CTNNA2: variants seen among roughly 807,000 people sequenced by gnomAD.
CTNNA2 encodes the protein catenin alpha-2.
CTNNA2 carries 42 observed loss-of-function variants against 101.0 expected under a neutral mutation model. That is an observed-to-expected ratio of 0.42 (90% CI 0.32 to 0.54). The LOEUF is 0.54. Among genes scored for constraint, CTNNA2 ranks in the 20% least tolerant of loss-of-function variants. The probability of loss-of-function intolerance (pLI) is 0.14; values close to 1 mark genes in which losing one functional copy is unlikely to be tolerated. For missense variants in CTNNA2, 871 were observed against 1,223.1 expected, an observed-to-expected ratio of 0.71 and a Z score of 4.29; for synonymous variants, 450 against 456.4, an observed-to-expected ratio of 0.99 and a Z score of 0.18.
Position 80,085,425 on chromosome 2 carries a change from G to A in CTNNA2, c.1056+175628G>A, listed in dbSNP as rs564468426. 3.3e-5 allele frequency among the ~76,000 whole-genome samples: 5 copies of A among 152,122 alleles called. No individual in the cohort carries two copies. In the South Asian group the frequency reaches 1.0e-3, roughly 32 times the overall value. On this transcript the variant is annotated intron_variant, in intron 7 of 18. Coordinates refer to ENST00000402739, the MANE Select transcript of CTNNA2 (RefSeq NM_001282597.3). ...ACAAGGACATCAAATCTTAACCATG[G>A]TGCAAAAAGAGAACACAAACATTTC...
chr2:79,847,741 G>A (rs1035104058), intron 3 of CTNNA2, among the ~76,000 whole-genome samples: 25 of 151,970 alleles, frequency 1.6e-4, no homozygotes, highest in Non-Finnish European at 1.5e-5. Context: ...GCATTTCCTT[G>A]TACAGTATCT....
At position 80,572,779 on chromosome 2, in the gene CTNNA2, A is replaced by G. The variant is rs187537757; in HGVS notation, c.1742-1384A>G. 93 of 152,354 alleles carry G rather than the reference A, an allele frequency of 6.1e-4. 1 individual carries two copies. Among genetic ancestry groups the G allele is most frequent in the Admixed American group, 1.8e-3 (28 of 15,304 alleles). The allele number at this position is 152,354 out of a possible 1,614,324, so 9.4% of individuals were successfully genotyped here. A position where few individuals can be genotyped will look rare whatever the true frequency, so the allele number is the denominator to read the frequency against. On this transcript the variant is annotated intron_variant, in intron 12 of 18. Coordinates refer to ENST00000402739, the MANE Select transcript of CTNNA2 (RefSeq NM_001282597.3). ...TTATCTAAATATAGCTTAAAAGCCCAAATGAAAAATTCAAGTAATATAGAG... is the reference window on the plus strand; with the variant it reads ...TTATCTAAATATAGCTTAAAAGCCCGAATGAAAAATTCAAGTAATATAGAG...
At chr2:80,054,209 C>T (rs1195309030) in intron 7 of CTNNA2, among the ~76,000 whole-genome samples, 2 of 152,032 alleles carry the variant, frequency 1.3e-5, no homozygotes, top group African/African-American at 2.4e-5. Context: ...AGTGGTTGGG[C>T]GTTAAGCTTT....
intron 2 of CTNNA2, among the ~76,000 whole-genome samples, chr2:79,710,081 C>T (rs1014902196): frequency 2.0e-5 from 3 of 151,964 alleles, no homozygotes; most frequent in Non-Finnish European, 2.9e-5. Context: ...TTCTGAAACC[C>T]GAAATGATGT....
intron 9 of CTNNA2, among the ~76,000 whole-genome samples, chr2:80,447,905 G>A (rs1311002163): frequency 6.6e-6 from 1 of 152,172 alleles, no homozygotes; most frequent in East Asian, 1.9e-4. Context: ...CCAAGGAGAG[G>A]GCCAGGGTGA....
At chr2:79,597,811 C>T (rs1677299874) in intron 1 of CTNNA2, among the ~76,000 whole-genome samples, 1 of 152,166 alleles carries the variant, frequency 6.6e-6, no homozygotes, top group African/African-American at 2.4e-5. Flanking sequence ...ACATAGTTTA[C>T]ATTAGGGTTC....
chr2:79,411,793 G>T (rs1323986995), intron 4 of CTNNA2, among the ~76,000 whole-genome samples: 1 of 152,086 alleles, frequency 6.6e-6, no homozygotes, highest in Non-Finnish European at 1.5e-5. Flanking sequence ...GCAAAATCAT[G>T]CCAAAATGTA....
At chr2:80,524,951 A>G (rs1241678543) in intron 9 of CTNNA2, among the ~76,000 whole-genome samples, 1 of 152,062 alleles carries the variant, frequency 6.6e-6, no homozygotes, top group Non-Finnish European at 1.5e-5. Context: ...GTTTTTATTT[A>G]CATAGGTTTT....
intron 2 of CTNNA2, among the ~76,000 whole-genome samples, chr2:79,286,425 A>G (rs1573031731): frequency 6.6e-6 from 1 of 151,942 alleles, no homozygotes; most frequent in Non-Finnish European, 1.5e-5. Flanking sequence ...TGCTTCCTTC[A>G]GGAGCTCTTT....
In CTNNA2 at chr2:80,589,371, A is replaced by G; in HGVS notation, c.2075A>G (p.Gln692Arg). 1 of 1,614,138 alleles carries G rather than the reference A, an allele frequency of 6.2e-7. No homozygotes were observed. Among genetic ancestry groups the G allele is most frequent in the Non-Finnish European group, 8.5e-7 (1 of 1,179,994 alleles). ...KIAEQVEIFH[Q>R]EKSKLDAEVA... The stretch of plus-strand genomic sequence containing the variant: ...GCTGAGCAGGTGGAGATATTCCATC[A>G]AGAGAAAAGCAAGCTGGATGCAGAA... The change falls in exon 15 of 19, where the codon CAA (glutamine) becomes CGA (arginine). Residue 692 changes from glutamine to arginine, a missense_variant. By Grantham distance (43) the Gln-to-Arg change is conservative. Around this residue, in one of 5 missense-constraint regions of CTNNA2, gnomAD observed 93 missense variants for 223.7 expected, o/e 0.42. Coordinates refer to ENST00000402739, the MANE Select transcript of CTNNA2 (RefSeq NM_001282597.3).
At chr2:79,920,878 C>G (rs2104379127) in intron 7 of CTNNA2, among the ~76,000 whole-genome samples, 1 of 152,318 alleles carries the variant, frequency 6.6e-6, no homozygotes, top group South Asian at 2.1e-4. Flanking sequence ...CCAAGCTGCT[C>G]ACTCTTATTT....
intron 1 of CTNNA2, among the ~76,000 whole-genome samples, chr2:79,624,601 G>A (rs1679191620): frequency 6.6e-6 from 1 of 152,158 alleles, no homozygotes; most frequent in African/African-American, 2.4e-5. Context: ...GCCTGTAGAA[G>A]CTCAGTCACC....
intron 6 of CTNNA2, among the ~76,000 whole-genome samples, chr2:79,908,076 C>T (rs2104314332): frequency 6.6e-6 from 1 of 152,318 alleles, no homozygotes; most frequent in Admixed American, 6.5e-5. Context: ...CCAGAGCATA[C>T]AGCTGGACTT....
At chr2:79,928,659 G>A (rs912326777) in intron 7 of CTNNA2, among the ~76,000 whole-genome samples, 8 of 152,256 alleles carry the variant, frequency 5.3e-5, no homozygotes, top group Middle Eastern at 3.4e-3. Context: ...TCAGCCTGAA[G>A]CCAGTTTCAT....
intron 4 of CTNNA2, among the ~76,000 whole-genome samples, chr2:79,482,965 A>T (rs1339327155): frequency 6.6e-6 from 1 of 152,212 alleles, no homozygotes; most frequent in Non-Finnish European, 1.5e-5. Context: ...ACAACATAGA[A>T]TCATCCAGCA....
At chr2:79,570,034 A>G (rs1418431466) in intron 1 of CTNNA2, among the ~76,000 whole-genome samples, 1 of 152,312 alleles carries the variant, frequency 6.6e-6, no homozygotes, top group Admixed American at 6.5e-5. Flanking sequence ...TTTATTCTAT[A>G]TCTTGACTCC....
At chr2:79,265,326 A>T (rs1300101855) in intron 2 of CTNNA2, among the ~76,000 whole-genome samples, 3 of 152,174 alleles carry the variant, frequency 2.0e-5, no homozygotes, top group Admixed American at 6.6e-5. Flanking sequence ...CAGGAATGAG[A>T]CAGTCAAGGA....
intron 17 of CTNNA2, among the ~76,000 whole-genome samples, chr2:80,613,298 C>T (rs776679141): frequency 1.4e-4 from 21 of 151,324 alleles, no homozygotes; most frequent in Non-Finnish European, 3.0e-4. Flanking sequence ...AAATTATAGA[C>T]ACCCTCAGAG....
At chr2:80,357,272 T>A (rs1213261519) in intron 7 of CTNNA2, among the ~76,000 whole-genome samples, 1 of 150,026 alleles carries the variant, frequency 6.7e-6, no homozygotes, top group East Asian at 1.9e-4. Context: ...TTTGTTTTTT[T>A]ATTTTTTATT....
Sources: gnomAD v4.1 joint callset for allele counts (sites outside exome capture counted in the v4.1 genomes callset) on GRCh38, gnomAD v4.1.1 for gene constraint, gnomAD v4.1.1 regional missense constraint, MANE v1.5 for transcripts, NCBI Gene and HGNC (gene_info 2026-07-23, HGNC 2026-07-21) for gene names.